Variants in RASAL2 observed in about 807,000 individuals in gnomAD.
RASAL2 encodes RAS protein activator like 2.
Under a neutral mutation model 128.9 loss-of-function variants are expected in RASAL2, and 58 were observed. The ratio of observed to expected loss-of-function variants is 0.45; its 90% CI spans 0.36 to 0.56. The LOEUF (loss-of-function observed/expected upper bound fraction) is 0.56. Ranked by LOEUF, RASAL2 falls within the 20% of genes least tolerant of loss-of-function variation. RASAL2 has a pLI of 0.00. For missense variants in RASAL2, 1,360 were observed against 1,601.6 expected, an observed-to-expected ratio of 0.85 and a Z score of 2.57; for synonymous variants, 561 against 580.8, an observed-to-expected ratio of 0.97 and a Z score of 0.49.
intron 3 of RASAL2, among the ~76,000 whole-genome samples, chr1:178,318,507 T>G (rs1411395130): frequency 2.7e-5 from 4 of 150,560 alleles, no homozygotes; most frequent in African/African-American, 9.7e-5. Context: ...TTTAGGATAG[T>G]TAGCTCTTCT....
chr1:178,130,791 T>C (rs923652609), intron 1 of RASAL2, among the ~76,000 whole-genome samples: 5 of 152,160 alleles, frequency 3.3e-5, no homozygotes, highest in Non-Finnish European at 7.4e-5. Context: ...ATAACATTTG[T>C]CGCCTGTAAT....
intron 1 of RASAL2, among the ~76,000 whole-genome samples, chr1:178,170,710 T>C (rs911477068): frequency 4.6e-5 from 7 of 151,680 alleles, no homozygotes; most frequent in African/African-American, 1.7e-4. Flanking sequence ...CCATGAGCTC[T>C]TATCTATCTA....
At chr1:178,150,686 T>A (rs1660883116) in intron 1 of RASAL2, among the ~76,000 whole-genome samples, 1 of 152,174 alleles carries the variant, frequency 6.6e-6, no homozygotes, top group Non-Finnish European at 1.5e-5. Context: ...TTATTCATCA[T>A]TATTCATGGA....
chr1:178,253,852 TC>T (rs936310296), intron 1 of RASAL2, among the ~76,000 whole-genome samples: 4 of 152,320 alleles, frequency 2.6e-5, no homozygotes, highest in African/African-American at 9.6e-5. Context: ...CTTTTGTGAT[TC>T]TTCACTTGCT....
chr1:178,244,138 A>G (rs74128891), intron 1 of RASAL2, among the ~76,000 whole-genome samples: 5,343 of 152,292 alleles, frequency 0.035, 278 homozygotes, highest in African/African-American at 0.12. Context: ...TTCAGCAATG[A>G]TCAAAAAGGT....
At chr1:178,367,581 C>A (rs1052775532) in intron 3 of RASAL2, among the ~76,000 whole-genome samples, 29 of 152,010 alleles carry the variant, frequency 1.9e-4, no homozygotes, top group Non-Finnish European at 7.4e-5. Context: ...CATATTAGCA[C>A]TGATATTGTT....
intron 1 of RASAL2, among the ~76,000 whole-genome samples, chr1:178,157,253 C>G (rs1428314048): frequency 3.3e-5 from 5 of 152,186 alleles, no homozygotes; most frequent in African/African-American, 9.7e-5. Context: ...GGCACTTGAT[C>G]TGGCAGTGGT....
intron 3 of RASAL2, among the ~76,000 whole-genome samples, chr1:178,302,415 TA>T (rs1355982020): frequency 2.6e-5 from 4 of 152,138 alleles, no homozygotes; most frequent in Non-Finnish European, 5.9e-5. Context: ...AGCATCATGA[TA>T]ACAAATTCCT....
At chr1:178,382,978 A>G (rs909284896) in intron 3 of RASAL2, among the ~76,000 whole-genome samples, 6 of 152,282 alleles carry the variant, frequency 3.9e-5, no homozygotes, top group Non-Finnish European at 7.4e-5. Flanking sequence ...ATCTCATCCA[A>G]CATTGTCATG....
intron 1 of RASAL2, among the ~76,000 whole-genome samples, chr1:178,150,471 C>T (rs1401072933): frequency 6.6e-6 from 1 of 152,110 alleles, no homozygotes; most frequent in Non-Finnish European, 1.5e-5. Flanking sequence ...CAGGCGTGAT[C>T]CACTGCGCTC....
chr1:178,333,481 GAACACTA>G (rs1370887522), intron 3 of RASAL2, among the ~76,000 whole-genome samples: 1 of 151,780 alleles, frequency 6.6e-6, no homozygotes, highest in Non-Finnish European at 1.5e-5. Context: ...TCCATTATTG[GAACACTA>G]AACTTTTGGG....
chr1:178,273,490 GT>G (rs1666355170), intron 1 of RASAL2, among the ~76,000 whole-genome samples: 1 of 152,154 alleles, frequency 6.6e-6, no homozygotes, highest in African/African-American at 2.4e-5. Context: ...TATATACTAT[GT>G]ATAAACATAC....
chr1:178,438,545 T>TA (rs1168343832), intron 5 of RASAL2, among the ~76,000 whole-genome samples: 1 of 151,956 alleles, frequency 6.6e-6, no homozygotes, highest in Non-Finnish European at 1.5e-5. Context: ...ATATTGTACT[T>TA]ACGTTTGACT....
At chr1:178,319,862 G>A (rs1346813347) in intron 3 of RASAL2, among the ~76,000 whole-genome samples, 2 of 152,252 alleles carry the variant, frequency 1.3e-5, no homozygotes, top group Non-Finnish European at 2.9e-5. Context: ...TGGAGGAGGA[G>A]AGACGCTCTG....
In RASAL2 at chr1:178,371,355, T is replaced by TACACACAC. The variant is rs766584516; in HGVS notation, c.458-18730_458-18723dup. On this transcript the variant is annotated intron_variant, in intron 3 of 17. Coordinates refer to ENST00000367649, the MANE Select transcript of RASAL2 (RefSeq NM_170692.4). Reference sequence around the variant, plus strand: ...ACACACACACACACACACACACAAATACACACACACACACACACACACTTC... The same window carrying TACACACAC: ...ACACACACACACACACACACACAAATACACACACACACACACACACACACACACACTTC... Among the ~76,000 whole-genome samples, 973 of 127,746 alleles carry TACACACAC rather than the reference T, an allele frequency of 7.6e-3. 11 individuals carry two copies. The highest frequency in any genetic ancestry group is 0.028 in the African/African-American group (914 of 32,866). 83.8% of individuals were successfully genotyped at this position (127,746 alleles called of 152,430 possible). A position where few individuals can be genotyped will look rare whatever the true frequency, so the allele number is the denominator to read the frequency against.
intron 5 of RASAL2, among the ~76,000 whole-genome samples, chr1:178,434,588 G>T (rs1676134305): frequency 1.3e-5 from 2 of 151,998 alleles, no homozygotes; most frequent in Non-Finnish European, 2.9e-5. Flanking sequence ...GAGTGGTGTG[G>T]TACATATTTT....
At chr1:178,157,674 A>G (rs541941046) in intron 1 of RASAL2, among the ~76,000 whole-genome samples, 1 of 152,326 alleles carries the variant, frequency 6.6e-6, no homozygotes, top group South Asian at 2.1e-4. Context: ...CTCCCTGAGT[A>G]CATAACCACC....
intron 1 of RASAL2, among the ~76,000 whole-genome samples, chr1:178,176,930 GTGAGCACC>G (rs1661916268): frequency 6.6e-6 from 1 of 151,950 alleles, no homozygotes; most frequent in Admixed American, 6.6e-5. Context: ...GATTACAGGC[GTGAGCACC>G]ATGCCTGGCT....
At chr1:178,376,226 C>T (rs570089771) in intron 3 of RASAL2, among the ~76,000 whole-genome samples, 1 of 152,048 alleles carries the variant, frequency 6.6e-6, no homozygotes, top group Non-Finnish European at 1.5e-5. Flanking sequence ...ATGTAAGAGA[C>T]TGTTGATAAC....
Sources: allele counts gnomAD v4.1 joint callset (sites outside exome capture counted in the v4.1 genomes callset), GRCh38; gene constraint gnomAD v4.1.1; transcripts MANE v1.5; gene names NCBI Gene and HGNC (gene_info 2026-07-23, HGNC 2026-07-21).